The following FUT8 variants were observed in gnomAD, a reference collection of about 807,000 sequenced individuals.
FUT8 encodes alpha-(1,6)-fucosyltransferase.
In FUT8, 29 loss-of-function variants were observed where a neutral mutation model predicts 71.3. The ratio of observed to expected loss-of-function variants is 0.41; its 90% CI spans 0.30 to 0.55. The LOEUF is 0.55. Among genes scored for constraint, FUT8 ranks in the 20% least tolerant of loss-of-function variants. FUT8 has a pLI of 0.34. For missense variants in FUT8, 544 were observed against 702.1 expected (o/e 0.77, Z 2.55); for synonymous variants, 254 against 239.3 (o/e 1.06, Z -0.57).
chr14:65,559,068 T>G (rs1199183608), intron 2 of FUT8, among the ~76,000 whole-genome samples: 1 of 152,180 alleles, frequency 6.6e-6, no homozygotes, highest in East Asian at 1.9e-4. Context: ...TCTGTAAACT[T>G]TTGTTACTAT....
intron 2 of FUT8, among the ~76,000 whole-genome samples, chr14:65,532,314 C>T (rs1884009070): frequency 6.6e-6 from 1 of 152,114 alleles, no homozygotes; most frequent in Non-Finnish European, 1.5e-5. Flanking sequence ...AATAGCCATT[C>T]TGACTAATGT....
intron 5 of FUT8, among the ~76,000 whole-genome samples, chr14:65,624,838 G>C (rs1427875266): frequency 6.6e-6 from 1 of 152,194 alleles, no homozygotes; most frequent in Non-Finnish European, 1.5e-5. Flanking sequence ...ACTTTGGGAG[G>C]CCAGTCACCT....
chr14:65,584,281 C>T (rs1016573161), intron 3 of FUT8, among the ~76,000 whole-genome samples: 1 of 151,656 alleles, frequency 6.6e-6, no homozygotes, highest in East Asian at 1.9e-4. Flanking sequence ...CAGATTCAAG[C>T]GATTCTCCTG....
intron 6 of FUT8, among the ~76,000 whole-genome samples, chr14:65,651,781 T>A (rs950204152): frequency 6.6e-6 from 1 of 152,060 alleles, no homozygotes; most frequent in Non-Finnish European, 1.5e-5. Context: ...AAAATAGAGA[T>A]GACAGAGGAA....
At chr14:65,605,413 C>T (rs1049254936) in intron 3 of FUT8, among the ~76,000 whole-genome samples, 2 of 151,884 alleles carry the variant, frequency 1.3e-5, no homozygotes, top group Non-Finnish European at 2.9e-5. Context: ...GAGATAGTCC[C>T]TTTAAAGAGA....
upstream of FUT8, chr14:65,410,695 G>T (rs1361132488): frequency 6.6e-6 from 1 of 150,534 alleles, no homozygotes; most frequent in African/African-American, 2.4e-5. Context: ...CAAATGTAAA[G>T]CTTTGTACTT....
At chr14:65,482,672 C>A (rs1164512103) in intron 2 of FUT8, among the ~76,000 whole-genome samples, 2 of 152,124 alleles carry the variant, frequency 1.3e-5, no homozygotes, top group African/African-American at 4.8e-5. Flanking sequence ...ACTGCTTGTT[C>A]CTTTTCAGAG....
At chr14:65,639,261 A>G (rs1021454854) in intron 6 of FUT8, among the ~76,000 whole-genome samples, 5 of 152,142 alleles carry the variant, frequency 3.3e-5, no homozygotes, top group Admixed American at 6.5e-5. Flanking sequence ...TATTGAAGGA[A>G]GTTTTCTAAG....
At position 65,616,309 on chromosome 14, in the gene FUT8, T is replaced by G. The variant is rs779443464; in HGVS notation, c.418T>G (p.Leu140Val). ...GAGTGAATTGAAGAAATTAAAGAAC[T>G]TAGAAGGAAATGAACTCCAAAGACA... The part of the protein sequence containing the change: ...LQSELKKLKN[L>V]EGNELQRHAD... Residue 140 changes from leucine (L) to valine (V), a missense_variant, in exon 5 of 11, where the codon TTA becomes GTA. Leu to Val is a conservative substitution (Grantham distance 32). Transcript: ENST00000673929. The G allele has an allele frequency of 3.1e-6, 5 of 1,612,662 alleles. No individual in the cohort carries two copies. The highest frequency in any genetic ancestry group is 1.1e-5 in the South Asian group (1 of 90,840).
At chr14:65,549,781 AAGTCCTATC>A (rs1197988738) in intron 2 of FUT8, among the ~76,000 whole-genome samples, 30 of 152,176 alleles carry the variant, frequency 2.0e-4, no homozygotes, top group African/African-American at 7.2e-4. Flanking sequence ...ATCTGACAAT[AAGTCCTATC>A]AACAGTGGCT....
In FUT8 at chr14:65,743,221, G is replaced by T. The variant is rs1896589983; in HGVS notation, c.*811G>T. 6.6e-6 allele frequency: 1 copy of T among 152,072 alleles called. No individual in the cohort carries two copies. The highest frequency in any genetic ancestry group is 1.5e-5 in the Non-Finnish European group (1 of 67,858). The allele number at this position is 152,072 out of a possible 1,614,324, so 9.4% of individuals were successfully genotyped here. A position where few individuals can be genotyped will look rare whatever the true frequency, so the allele number is the denominator to read the frequency against. On this transcript the variant is annotated 3_prime_UTR_variant, in exon 11 of 11. Transcript: ENST00000673929. Reference sequence around the variant, plus strand: ...ATGTGGAAGAACTGTGATAAAAAGAGGAGCTTTTTAGTTTTTCAGCTTATT... The same window carrying T: ...ATGTGGAAGAACTGTGATAAAAAGATGAGCTTTTTAGTTTTTCAGCTTATT...
At chr14:65,394,268 C>A in the FUT8 span, among the ~76,000 whole-genome samples, 1 of 152,178 alleles carries the variant, frequency 6.6e-6, no homozygotes, top group African/African-American at 2.4e-5. Context: ...CTGGGGTTTC[C>A]CCTTATAAAA....
chr14:65,643,342 C>T lies in FUT8; in HGVS notation c.597+13736C>T, dbSNP rs1400934779. ...GAATACATATTTAGGTCATTAACATCTGTGACCTGGAAATAAAATTGACAG... is the reference window on the plus strand; with the variant it reads ...GAATACATATTTAGGTCATTAACATTTGTGACCTGGAAATAAAATTGACAG... On this transcript the variant is annotated intron_variant, in intron 6 of 10. Transcript: ENST00000673929. This position sits in a 1 kb window ranked among gnomAD's most constrained non-coding sequence, Gnocchi z 4.5. 2.0e-5 allele frequency among the ~76,000 whole-genome samples: 3 copies of T among 152,150 alleles called. No homozygotes were observed. In the East Asian group the frequency reaches 5.8e-4, roughly 29 times the overall value.
intron 6 of FUT8, among the ~76,000 whole-genome samples, chr14:65,664,607 G>A (rs139864862): frequency 1.3e-5 from 2 of 152,132 alleles, no homozygotes; most frequent in African/African-American, 4.8e-5. Flanking sequence ...AATATGAAAG[G>A]TACTTCTTCT....
At chr14:65,598,315 C>T (rs1353382061) in intron 3 of FUT8, among the ~76,000 whole-genome samples, 2 of 152,012 alleles carry the variant, frequency 1.3e-5, no homozygotes, top group Admixed American at 1.3e-4. Flanking sequence ...CTCTGCCACC[C>T]AGGTTCAAGT....
chr14:65,594,707 A>G lies in FUT8; in HGVS notation c.204-21271A>G, dbSNP rs201193274. 3.5e-4 allele frequency among the ~76,000 whole-genome samples: 53 copies of G among 152,188 alleles called. 1 individual carries two copies. The East Asian group carries it at 9.9e-3, about 28-fold the overall frequency. Reference sequence around the variant, plus strand: ...TTCTCAGTGGAGAGGGGAGCGAGAAAGGGAGCGGGAAGGGCAGGTTGCTCT... The same window carrying G: ...TTCTCAGTGGAGAGGGGAGCGAGAAGGGGAGCGGGAAGGGCAGGTTGCTCT... On this transcript the variant is annotated intron_variant, in intron 3 of 10. Coordinates refer to ENST00000673929, the MANE Select transcript of FUT8 (RefSeq NM_001371533.1).
intron 2 of FUT8, among the ~76,000 whole-genome samples, chr14:65,457,651 G>A (rs2065911666): frequency 6.6e-6 from 1 of 152,168 alleles, no homozygotes; most frequent in South Asian, 2.1e-4. Flanking sequence ...AAAGGGTTGT[G>A]ATTGATTGGA....
intron 3 of FUT8, among the ~76,000 whole-genome samples, chr14:65,591,146 G>A (rs1887663875): frequency 6.6e-6 from 1 of 152,142 alleles, no homozygotes; most frequent in African/African-American, 2.4e-5. Context: ...ACAAAGAATA[G>A]TGTGAATACA....
In FUT8 at chr14:65,487,581, A is replaced by C. The variant is rs542942219; in HGVS notation, c.-228+31863A>C. Among the ~76,000 whole-genome samples the C allele has an allele frequency of 2.4e-3, 364 of 152,008 alleles. 2 individuals carry two copies. Among genetic ancestry groups the C allele is most frequent in the African/African-American group, 8.1e-3 (335 of 41,454 alleles). ...CTCCGTCTCAAAAAAAAAAAAAAAA[A>C]AAAACTCAGTTTTTAGTGTCTTCAC... On this transcript the variant is annotated intron_variant, in intron 2 of 10. Transcript: ENST00000673929.
Sources: allele counts gnomAD v4.1 joint callset (sites outside exome capture counted in the v4.1 genomes callset), GRCh38; gene constraint gnomAD v4.1.1; non-coding constraint Gnocchi (gnomAD v3.1); transcripts MANE v1.5; gene names NCBI Gene and HGNC (gene_info 2026-07-23, HGNC 2026-07-21).